NUDCD1: variants seen among roughly 807,000 people sequenced by gnomAD.
NUDCD1 encodes nudC domain-containing protein 1.
Under a neutral mutation model 67.8 loss-of-function variants are expected in NUDCD1, and 60 were observed. The ratio of observed to expected loss-of-function variants is 0.88; its 90% confidence interval spans 0.72 to 1.10. NUDCD1 has a LOEUF of 1.10. NUDCD1 is among the 50% of genes least tolerant of loss of function. The probability of loss-of-function intolerance (pLI) is 0.00; values close to 1 mark genes in which losing one functional copy is unlikely to be tolerated. For synonymous variants in NUDCD1, 244 were observed against 230.8 expected, an observed-to-expected ratio of 1.06 and a Z score of -0.52; for missense variants, 643 against 695.0, an observed-to-expected ratio of 0.93 and a Z score of 0.84.
intron 1 of NUDCD1, among the ~76,000 whole-genome samples, chr8:109,330,151 T>C (rs1345896048): frequency 2.6e-5 from 4 of 152,168 alleles, no homozygotes; most frequent in Non-Finnish European, 4.4e-5. Context: ...AGGAAGGAAA[T>C]TGCCGGATCA....
chr8:109,275,012 CAAAT>C (rs981754037), intron 7 of NUDCD1, among the ~76,000 whole-genome samples: 1 of 152,056 alleles, frequency 6.6e-6, no homozygotes, highest in African/African-American at 2.4e-5. Context: ...AGATTCTTAG[CAAAT>C]AAATTGTAAC....
At chr8:109,260,491 C>T (rs1281599076) in intron 8 of NUDCD1, among the ~76,000 whole-genome samples, 1 of 152,150 alleles carries the variant, frequency 6.6e-6, no homozygotes, top group African/African-American at 2.4e-5. Context: ...TGAGCCACTG[C>T]GCCTGGCCCA....
At chr8:109,317,131 C>A (rs1465500103) in intron 2 of NUDCD1, among the ~76,000 whole-genome samples, 1 of 152,118 alleles carries the variant, frequency 6.6e-6, no homozygotes. Flanking sequence ...AATAAAAATA[C>A]ATATTACAAA....
At chr8:109,255,480 T>C (rs1295921708) in intron 8 of NUDCD1, among the ~76,000 whole-genome samples, 1 of 152,154 alleles carries the variant, frequency 6.6e-6, no homozygotes, top group Non-Finnish European at 1.5e-5. Flanking sequence ...ATTTCTACTT[T>C]AAAAAGCCAC....
At chr8:109,325,005 G>A (rs1179182227) in intron 1 of NUDCD1, among the ~76,000 whole-genome samples, 2 of 148,812 alleles carry the variant, frequency 1.3e-5, no homozygotes, top group East Asian at 1.9e-4. Flanking sequence ...CACGAGAATC[G>A]CTTGAACCCA....
intron 1 of NUDCD1, among the ~76,000 whole-genome samples, chr8:109,330,655 G>C (rs1815784697): frequency 6.6e-6 from 1 of 152,062 alleles, no homozygotes; most frequent in Admixed American, 6.5e-5. Context: ...ATCTGTTCAC[G>C]TCCCTTGTAC....
intron 5 of NUDCD1, among the ~76,000 whole-genome samples, chr8:109,284,370 C>G (rs2129996791): frequency 6.6e-6 from 1 of 152,198 alleles, no homozygotes; most frequent in East Asian, 1.9e-4. Flanking sequence ...CAGCATCACA[C>G]AGATCATCAA....
intron 4 of NUDCD1, among the ~76,000 whole-genome samples, chr8:109,292,105 A>G (rs1814724458): frequency 6.6e-6 from 1 of 152,094 alleles, no homozygotes; most frequent in African/African-American, 2.4e-5. Context: ...ATATTTAAAT[A>G]TATGTCAAAA....
rs1813374886 is a variant in NUDCD1, at chr8:109,241,903, A to G, written c.*1106T>C. 1.0e-5 allele frequency: 4 copies of G among 393,500 alleles called. No homozygotes were observed. The highest frequency in any genetic ancestry group is 1.3e-5 in the Non-Finnish European group (3 of 223,144). The allele number at this position is 393,500 out of a possible 1,614,324, so 24.4% of individuals were successfully genotyped here. A position where few individuals can be genotyped will look rare whatever the true frequency, so the allele number is the denominator to read the frequency against. The stretch of plus-strand genomic sequence containing the variant: ...AGATACATATCTTGAAATGGTATAA[A>G]AAGTAATAAAAATTTCCAGGTACAT... On this transcript the variant is annotated 3_prime_UTR_variant, in exon 10 of 10. Transcript: ENST00000239690.
intron 2 of NUDCD1, among the ~76,000 whole-genome samples, chr8:109,317,144 T>C (rs1563683262): frequency 6.6e-6 from 1 of 152,134 alleles, no homozygotes; most frequent in South Asian, 2.1e-4. Context: ...ATTACAAAAT[T>C]ACCCTAGAAA....
chr8:109,300,931 T>C (rs978630833), intron 2 of NUDCD1, among the ~76,000 whole-genome samples: 1 of 152,148 alleles, frequency 6.6e-6, no homozygotes, highest in African/African-American at 2.4e-5. Context: ...CTAGAAGGGA[T>C]TGGGGCCCTA....
chr8:109,295,665 T>C lies in NUDCD1; in HGVS notation c.459+719A>G, dbSNP rs370097038. ...AAGACATAAATATATTAAGCTCGCA[T>C]CTCTTTATTTACCCAGAACTAAAGG... On this transcript the variant is annotated intron_variant, in intron 3 of 9. Transcript: ENST00000239690. Among the ~76,000 whole-genome samples, 6 of 152,244 alleles carry C rather than the reference T, an allele frequency of 3.9e-5. No homozygotes were observed. The South Asian group carries it at 6.2e-4, about 16-fold the overall frequency.
intron 8 of NUDCD1, among the ~76,000 whole-genome samples, chr8:109,248,222 C>A (rs953101296): frequency 6.6e-6 from 1 of 152,146 alleles, no homozygotes; most frequent in African/African-American, 2.4e-5. Context: ...TGGATTCTCC[C>A]CTAGAGCCTC....
At chr8:109,300,807 C>G (rs925468633) in intron 2 of NUDCD1, among the ~76,000 whole-genome samples, 1 of 152,176 alleles carries the variant, frequency 6.6e-6, no homozygotes, top group African/African-American at 2.4e-5. Flanking sequence ...ATCAAGCTAT[C>G]TAAAGTTAAG....
chr8:109,318,633 C>A (rs556456541), intron 2 of NUDCD1, among the ~76,000 whole-genome samples: 25 of 152,208 alleles, frequency 1.6e-4, no homozygotes, highest in Admixed American at 8.5e-4. Flanking sequence ...TCTGATCCAA[C>A]AAGAAACAAT....
intron 2 of NUDCD1, among the ~76,000 whole-genome samples, chr8:109,299,482 C>T (rs1814924072): frequency 6.6e-6 from 1 of 152,040 alleles, no homozygotes; most frequent in South Asian, 2.1e-4. Context: ...TGCTGGTTCT[C>T]CCCCACTTCC....
intron 1 of NUDCD1, among the ~76,000 whole-genome samples, chr8:109,324,724 C>T (rs1423476643): frequency 6.6e-6 from 1 of 152,056 alleles, no homozygotes; most frequent in Non-Finnish European, 1.5e-5. Flanking sequence ...TACTATTCAG[C>T]CATAAAAAAG....
Position 109,271,003 on chromosome 8 carries a change from AC to A in NUDCD1, c.1299+1del. On this transcript the variant is annotated splice_donor_variant, in intron 8 of 9. Coordinates refer to ENST00000239690, the MANE Select transcript of NUDCD1 (RefSeq NM_032869.4). LOFTEE classifies it high-confidence loss of function. ...TTAGAAATATTAATATCAGTAACTT[AC>A]CACATGAGTAGTTTTTAATGTATTG... The A allele has an allele frequency of 6.4e-7, 1 of 1,566,690 alleles. No individual in the cohort carries two copies. The highest frequency in any genetic ancestry group is 8.7e-7 in the Non-Finnish European group (1 of 1,152,484).
chr8:109,332,504 A>G (rs1422264679), intron 1 of NUDCD1, among the ~76,000 whole-genome samples: 1 of 152,214 alleles, frequency 6.6e-6, no homozygotes, highest in African/African-American at 2.4e-5. Context: ...AAACAAGCTT[A>G]TAGTCTGAGA....
Sources: allele counts gnomAD v4.1 joint callset (sites outside exome capture counted in the v4.1 genomes callset), GRCh38; gene constraint gnomAD v4.1.1; transcripts MANE v1.5; gene names NCBI Gene and HGNC (gene_info 2026-07-23, HGNC 2026-07-21).